The following PRKCG variants were observed in gnomAD, a reference collection of about 807,000 sequenced individuals.
PRKCG encodes protein kinase C gamma, also known as protein kinase C gamma type.
A neutral mutation model predicts 82.0 loss-of-function variants in PRKCG; 28 were observed. The observed-to-expected ratio is 0.34, with a 90% CI of 0.25 to 0.47. PRKCG has a LOEUF of 0.47. Among genes scored for constraint, PRKCG ranks in the 20% least tolerant of loss-of-function variants. The pLI is 1.00. For synonymous variants in PRKCG, 383 were observed against 376.6 expected (o/e 1.02, Z -0.20); for missense variants, 640 against 952.7 (o/e 0.67, Z 4.32).
chr19:53,906,080 TCCTC>T (rs1568763982), intron 16 of PRKCG, among the ~76,000 whole-genome samples: 12 of 71,772 alleles, frequency 1.7e-4, no homozygotes, highest in Admixed American at 1.1e-3. Context: ...CTCCTCCTCC[TCCTC>T]CTTCTTCTTC....
chr19:53,898,557 G>A lies in PRKCG; in HGVS notation c.1210G>A (p.Ala404Thr), dbSNP rs769292201. 1.9e-6 allele frequency: 3 copies of A among 1,612,982 alleles called. No individual in the cohort carries two copies. The highest frequency in any genetic ancestry group is 2.5e-6 in the Non-Finnish European group (3 of 1,179,884). Reference sequence around the variant, plus strand: ...CACGCTGGTGGAGAAACGTGTGCTGGCGCTGGGGGGCCGGGGTCCTGGCGG... The same window carrying A: ...CACGCTGGTGGAGAAACGTGTGCTGACGCTGGGGGGCCGGGGTCCTGGCGG... ...DCTLVEKRVL[A>T]LGGRGPGGRP... The change falls in exon 11 of 18, where the codon GCG becomes ACG. Residue 404 changes from alanine to threonine, a missense_variant. Coordinates refer to ENST00000263431, the MANE Select transcript of PRKCG (RefSeq NM_002739.5).
At chr19:53,902,830 G>A (rs2068773412) in intron 14 of PRKCG, among the ~76,000 whole-genome samples, 1 of 145,604 alleles carries the variant, frequency 6.9e-6, no homozygotes, top group South Asian at 2.2e-4. Flanking sequence ...GGAAGTTGAG[G>A]CTGAGTGAGC....
chr19:53,889,583 C>T lies in PRKCG; in HGVS notation c.286-55C>T. The T allele has an allele frequency of 7.3e-7, 1 of 1,367,600 alleles. No individual in the cohort carries two copies. The highest frequency in any genetic ancestry group is 1.0e-6 in the Non-Finnish European group (1 of 958,874). 84.7% of individuals were successfully genotyped at this position (1,367,600 alleles called of 1,614,324 possible). A position where few individuals can be genotyped will look rare whatever the true frequency, so the allele number is the denominator to read the frequency against. ...GAGGAAAAGATAAAAGGGCCCCTCC[C>T]CTGGGGTTTTAGGACCCTCCCAACG... On this transcript the variant is annotated intron_variant, in intron 3 of 17. Coordinates refer to ENST00000263431, the MANE Select transcript of PRKCG (RefSeq NM_002739.5). This position sits in a 1 kb window ranked among gnomAD's most constrained non-coding sequence, Gnocchi z 4.4.
At chr19:53,897,565 C>T (rs2068726620) in intron 9 of PRKCG, among the ~76,000 whole-genome samples, 1 of 152,144 alleles carries the variant, frequency 6.6e-6, no homozygotes, top group Admixed American at 6.5e-5. Context: ...CTAAGAGCAA[C>T]CAGATTCTAG....
rs56387214 is a variant in PRKCG, at chr19:53,893,376, C to A, written c.924C>A (p.Pro308=). 6.2e-7 allele frequency: 1 copy of A among 1,613,656 alleles called. No individual in the cohort carries two copies. The highest frequency in any genetic ancestry group is 8.5e-7 in the Non-Finnish European group (1 of 1,179,662). Residue 308 remains proline (P), a synonymous_variant, in exon 9 of 18, where the codon CCC becomes CCA. Transcript: ENST00000263431. The stretch of plus-strand genomic sequence containing the variant: ...TTTTCTCCCAGGCTTGTAACTACCC[C>A]CTGGAATTGTATGAGGTGAGTAGAA... ...LLQKFEACNY[P]LELYERVRMG...
At chr19:53,904,210 A>G (rs1162598120) in intron 15 of PRKCG, among the ~76,000 whole-genome samples, 1 of 151,984 alleles carries the variant, frequency 6.6e-6, no homozygotes, top group African/African-American at 2.4e-5. Context: ...AGCCTGGCCA[A>G]TATGATGAAA....
In PRKCG at chr19:53,892,709, C is replaced by T; in HGVS notation, c.821+66C>T. 3 of 1,563,276 alleles carry T rather than the reference C, an allele frequency of 1.9e-6. No homozygotes were observed. The highest frequency in any genetic ancestry group is 1.3e-5 in the African/African-American group (1 of 74,278). On this transcript the variant is annotated intron_variant, in intron 7 of 17. Transcript: ENST00000263431. This position sits in a 1 kb window ranked among gnomAD's most constrained non-coding sequence, Gnocchi z 5.9. ...TACCATCTCCATCTGTGTGTGGTCTCTCTCCTCCAGGCCACTGTCCTTCCC... is the reference window on the plus strand; with the variant it reads ...TACCATCTCCATCTGTGTGTGGTCTTTCTCCTCCAGGCCACTGTCCTTCCC...
intron 9 of PRKCG, among the ~76,000 whole-genome samples, chr19:53,897,238 T>C (rs892644608): frequency 6.6e-6 from 1 of 152,194 alleles, no homozygotes; most frequent in African/African-American, 2.4e-5. Flanking sequence ...TATTTATTTT[T>C]AAATTGGCTC....
intron 3 of PRKCG, among the ~76,000 whole-genome samples, chr19:53,886,347 A>G (rs413804): frequency 0.033 from 4,984 of 151,888 alleles, 95 homozygotes; most frequent in African/African-American, 0.06. Context: ...CACGTGATCC[A>G]CCCACCTCGG....
chr19:53,883,633 TGGGGGGCGGGAGA>T lies in PRKCG; in HGVS notation c.202+448_202+460del, dbSNP rs2068610129. Among the ~76,000 whole-genome samples, 1 of 55,610 alleles carries T rather than the reference TGGGGGGCGGGAGA, an allele frequency of 1.8e-5. No homozygotes were observed. The highest frequency in any genetic ancestry group is 5.6e-4 in the South Asian group (1 of 1,786). 36.5% of individuals were successfully genotyped at this position (55,610 alleles called of 152,430 possible). A position where few individuals can be genotyped will look rare whatever the true frequency, so the allele number is the denominator to read the frequency against. On this transcript the variant is annotated intron_variant, in intron 2 of 17. Coordinates refer to ENST00000263431, the MANE Select transcript of PRKCG (RefSeq NM_002739.5). The surrounding 1 kb of genome is among the most constrained non-coding windows in gnomAD (Gnocchi z 5.4). The stretch of plus-strand genomic sequence containing the variant: ...GGGGGCCGGGCGGGGCCGGCAGTTC[TGGGGGGCGGGAGA>T]GGGGGGCGAGTCCTTGAGCACCAGC...
At chr19:53,885,726 G>A (rs1222457008) in intron 3 of PRKCG, among the ~76,000 whole-genome samples, 2 of 152,102 alleles carry the variant, frequency 1.3e-5, no homozygotes, top group Non-Finnish European at 2.9e-5. Flanking sequence ...AGAAGTCCAT[G>A]AGGCGTTTTA....
rs568924989 is a variant in PRKCG, at chr19:53,893,949, A to G, written c.939+558A>G. Among the ~76,000 whole-genome samples the G allele has an allele frequency of 2.0e-5, 3 of 150,234 alleles. No homozygotes were observed. The South Asian group carries it at 6.3e-4, about 32-fold the overall frequency. On this transcript the variant is annotated intron_variant, in intron 9 of 17. Coordinates refer to ENST00000263431, the MANE Select transcript of PRKCG (RefSeq NM_002739.5). ...TTTTTTTATTTTTAGTAGAGATGGG[A>G]TTTCGCCATGTTGGCCAGGCTGATC... is the stretch of plus-strand genomic sequence containing the variant.
chr19:53,890,505 G>A (rs1260361512), intron 5 of PRKCG, among the ~76,000 whole-genome samples: 1 of 151,766 alleles, frequency 6.6e-6, no homozygotes, highest in African/African-American at 2.4e-5. Context: ...TGATCCCCTC[G>A]ACTCGGCCTC....
chr19:53,902,950 C>G (rs866387351), intron 14 of PRKCG, 123 bp from the exon 15 acceptor site: 9 of 445,262 alleles, frequency 2.0e-5, no homozygotes, highest in Middle Eastern at 4.1e-4. Flanking sequence ...AATAAATATT[C>G]AGAGTGGGAA....
chr19:53,899,297 G>A (rs528571043), intron 11 of PRKCG, among the ~76,000 whole-genome samples: 8 of 151,714 alleles, frequency 5.3e-5, no homozygotes, highest in African/African-American at 1.9e-4. Flanking sequence ...TGGGGAGCTT[G>A]GTCTTGAGTG....
intron 3 of PRKCG, among the ~76,000 whole-genome samples, chr19:53,886,131 G>A (rs1450938929): frequency 6.6e-6 from 1 of 150,598 alleles, no homozygotes; most frequent in Non-Finnish European, 1.5e-5. Flanking sequence ...TTTAGATGGA[G>A]TTTCACTCTG....
Position 53,892,752 on chromosome 19 carries a change from G to GCGCACACACA in PRKCG, c.821+110_821+111insGCACACACAC, listed in dbSNP as rs1201671245. 2,664 of 1,096,456 alleles carry GCGCACACACA rather than the reference G, an allele frequency of 2.4e-3. 16 individuals carry two copies. The highest frequency in any genetic ancestry group is 0.021 in the African/African-American group (1,227 of 59,488). 67.9% of individuals were successfully genotyped at this position (1,096,456 alleles called of 1,614,324 possible). A position where few individuals can be genotyped will look rare whatever the true frequency, so the allele number is the denominator to read the frequency against. On this transcript the variant is annotated intron_variant, in intron 7 of 17. Coordinates refer to ENST00000263431, the MANE Select transcript of PRKCG (RefSeq NM_002739.5). The surrounding 1 kb of genome is among the most constrained non-coding windows in gnomAD (Gnocchi z 5.9). ...TCCTTCCCTCTGCCTCCCAGCATGC[G>GCGCACACACA]CACACACACACACACACACACACAC...
intron 9 of PRKCG, 191 bp downstream of exon 9, chr19:53,893,582 G>A: frequency 1.4e-6 from 1 of 718,754 alleles, no homozygotes; most frequent in Non-Finnish European, 2.5e-6. Flanking sequence ...CTCCAAGGTA[G>A]GGACACAGTC....
At chr19:53,893,508 T>TC in intron 9 of PRKCG, 117 bp downstream of exon 9, 3 of 1,147,102 alleles carry the variant, frequency 2.6e-6, no homozygotes, top group Non-Finnish European at 3.9e-6. Flanking sequence ...ACATTTGTGC[T>TC]AGGCCTGTCT....
Sources: allele counts gnomAD v4.1 joint callset (sites outside exome capture counted in the v4.1 genomes callset), GRCh38; gene constraint gnomAD v4.1.1; non-coding constraint Gnocchi (gnomAD v3.1); transcripts MANE v1.5; gene names NCBI Gene and HGNC (gene_info 2026-07-23, HGNC 2026-07-21).